Variants in VSTM4 observed in about 807,000 individuals in gnomAD.
The protein encoded by VSTM4 is V-set and transmembrane domain containing 4.
A neutral mutation model predicts 36.4 loss-of-function variants in VSTM4; 20 were observed. The observed-to-expected ratio is 0.55, with a 90% CI of 0.39 to 0.80. The LOEUF (loss-of-function observed/expected upper bound fraction) is 0.80, where lower values mean the gene tolerates loss of function less well. VSTM4 is among the 30% of genes least tolerant of loss of function. VSTM4 has a pLI of 0.00. For missense variants in VSTM4, 392 were observed against 404.5 expected, an observed-to-expected ratio of 0.97 and a Z score of 0.26; for synonymous variants, 182 against 173.9, an observed-to-expected ratio of 1.05 and a Z score of -0.37.
intron 2 of VSTM4, among the ~76,000 whole-genome samples, chr10:49,092,059 G>A (rs550569132): frequency 1.3e-5 from 2 of 152,254 alleles, no homozygotes; most frequent in East Asian, 1.9e-4. Flanking sequence ...TTCCCTTTCC[G>A]TGCCTACCCT....
At chr10:49,071,247 C>CTGCTTTTTTTAAAA (rs2131985377) in intron 4 of VSTM4, among the ~76,000 whole-genome samples, 1 of 152,352 alleles carries the variant, frequency 6.6e-6, no homozygotes, top group African/African-American at 2.4e-5. Flanking sequence ...TTTAAAAGCT[C>CTGCTTTTTTTAAAA]AGACACAGAA....
chr10:49,103,570 G>C, intron 2 of VSTM4: 1 of 1,390,012 alleles, frequency 7.2e-7, no homozygotes. Context: ...GATAATAAGA[G>C]CCAACACTCC....
At chr10:49,082,171 C>T (rs1277337963) in intron 3 of VSTM4, among the ~76,000 whole-genome samples, 2 of 152,178 alleles carry the variant, frequency 1.3e-5, no homozygotes, top group Admixed American at 6.5e-5. Context: ...GGCTGGAATG[C>T]CCGCCCAGTG....
At chr10:49,092,533 C>CA (rs1305367190) in intron 2 of VSTM4, among the ~76,000 whole-genome samples, 5 of 152,128 alleles carry the variant, frequency 3.3e-5, no homozygotes, top group Non-Finnish European at 5.9e-5. Flanking sequence ...GTGTTATCTA[C>CA]AAAGTGATAC....
At position 49,015,575 on chromosome 10, in the gene VSTM4, C is replaced by G. The variant is rs1235491265; in HGVS notation, c.*4075G>C. 6.6e-6 allele frequency: 1 copy of G among 152,232 alleles called. No homozygotes were observed. Among genetic ancestry groups the G allele is most frequent in the East Asian group, 1.9e-4 (1 of 5,192 alleles). 9.4% of individuals were successfully genotyped at this position (152,232 alleles called of 1,614,324 possible). ...GACCCCTCCCCTAGACCACGAATTT[C>G]TGTTTGGTTTTCCTTCCTGATGAAC... On this transcript the variant is annotated 3_prime_UTR_variant, in exon 8 of 8. Coordinates refer to ENST00000332853, the MANE Select transcript of VSTM4 (RefSeq NM_001031746.5).
At chr10:49,060,849 G>A (rs1384101602) in intron 5 of VSTM4, among the ~76,000 whole-genome samples, 2 of 152,168 alleles carry the variant, frequency 1.3e-5, no homozygotes, top group Non-Finnish European at 2.9e-5. Context: ...GAGGCAATGT[G>A]AGACAAGGGT....
rs1215902819 is a variant in VSTM4 at position 49,017,878 on chromosome 10, A to G, written c.*1772T>C. 6.6e-6 allele frequency: 1 copy of G among 152,260 alleles called. No individual in the cohort carries two copies. The highest frequency in any genetic ancestry group is 2.4e-5 in the African/African-American group (1 of 41,458). 9.4% of individuals were successfully genotyped at this position (152,260 alleles called of 1,614,324 possible). ...TTATTATATAAATGGTGTGCTAACC[A>G]TATATCCTCCCCTCCCAAAGAGATG... On this transcript the variant is annotated 3_prime_UTR_variant, in exon 8 of 8. Transcript: ENST00000332853.
At chr10:49,075,616 A>G (rs1410546153) in intron 4 of VSTM4, among the ~76,000 whole-genome samples, 1 of 152,260 alleles carries the variant, frequency 6.6e-6, no homozygotes, top group Admixed American at 6.5e-5. Context: ...TTGCAGGGGA[A>G]GGCCCTGGAG....
At chr10:49,049,571 AAG>A (rs1455077109) in intron 5 of VSTM4, among the ~76,000 whole-genome samples, 3 of 152,196 alleles carry the variant, frequency 2.0e-5, no homozygotes, top group African/African-American at 7.2e-5. Context: ...TCCAGGTCTC[AAG>A]AGAGGCTATC....
Position 49,103,328 on chromosome 10 carries a change from G to A in VSTM4, c.457+4266C>T, listed in dbSNP as rs141245032. 8.9e-3 allele frequency: 1,593 copies of A among 178,322 alleles called. 16 individuals carry two copies. Among genetic ancestry groups the A allele is most frequent in the Non-Finnish European group, 0.011 (970 of 91,478 alleles). 11.0% of individuals were successfully genotyped at this position (178,322 alleles called of 1,614,324 possible). On this transcript the variant is annotated intron_variant, in intron 2 of 7. Transcript: ENST00000332853. ...CACTATTTAGTAATATCAGAAAAGC[G>A]AGTCACAGAACACTCTTTACAGTAA...
rs530527662 is a variant in VSTM4 at position 49,014,243 on chromosome 10, A to T, written c.*5407T>A. 6.6e-6 allele frequency: 1 copy of T among 152,376 alleles called. No individual in the cohort carries two copies. The highest frequency in any genetic ancestry group is 1.5e-5 in the Non-Finnish European group (1 of 68,056). The allele number at this position is 152,376 out of a possible 1,614,324, so 9.4% of individuals were successfully genotyped here. On this transcript the variant is annotated 3_prime_UTR_variant, in exon 8 of 8. Transcript: ENST00000332853. ...TGAGCTTTCTCCTCGTTGTTGATGG[A>T]GGACGCTTGTAATAAAGTTTAATGT...
At chr10:49,047,164 G>T in intron 6 of VSTM4, 120 bp from the exon 7 acceptor site, 2 of 1,019,002 alleles carry the variant, frequency 2.0e-6, no homozygotes, top group Non-Finnish European at 3.0e-6. Flanking sequence ...TCCCATGGAA[G>T]AACTTTCTGA....
At chr10:49,071,356 T>C (rs1844076085) in intron 4 of VSTM4, among the ~76,000 whole-genome samples, 1 of 152,180 alleles carries the variant, frequency 6.6e-6, no homozygotes, top group Admixed American at 6.5e-5. Flanking sequence ...ACCAGAAGAA[T>C]AATTCCAGGC....
Position 49,019,773 on chromosome 10 carries a change from T to C in VSTM4, c.840A>G (p.Pro280=), listed in dbSNP as rs201819563. ...AGGTTAAGTTTTCCTCAGCAATCTT[T>C]GGCTATAAAAGAAAAAACAAAACAA... ...LLKPQRKVTL[P]KIAEENLTYA... Residue 280 remains proline, a splice_region_variant and synonymous_variant, in exon 8 of 8, where the codon CCA becomes CCG. Transcript: ENST00000332853. The C allele has an allele frequency of 1.2e-6, 2 of 1,609,640 alleles. No homozygotes were observed. Among genetic ancestry groups the C allele is most frequent in the Non-Finnish European group, 1.7e-6 (2 of 1,178,124 alleles).
At chr10:49,068,508 A>C (rs1407379001) in intron 4 of VSTM4, among the ~76,000 whole-genome samples, 1 of 152,176 alleles carries the variant, frequency 6.6e-6, no homozygotes, top group African/African-American at 2.4e-5. Flanking sequence ...AGATCTCGGC[A>C]GCATGTATGT....
intron 7 of VSTM4, among the ~76,000 whole-genome samples, chr10:49,034,891 T>C (rs1486045661): frequency 1.3e-5 from 2 of 152,196 alleles, no homozygotes; most frequent in African/African-American, 2.4e-5. Flanking sequence ...AATGATATTG[T>C]TTCATGAGAT....
At chr10:49,098,871 G>T (rs1844619082) in intron 2 of VSTM4, among the ~76,000 whole-genome samples, 1 of 152,216 alleles carries the variant, frequency 6.6e-6, no homozygotes, top group East Asian at 1.9e-4. Context: ...CAACAGCCTG[G>T]CACGCAGTAG....
chr10:49,076,782 C>T (rs1844186327), intron 4 of VSTM4, among the ~76,000 whole-genome samples: 1 of 152,146 alleles, frequency 6.6e-6, no homozygotes, highest in Non-Finnish European at 1.5e-5. Flanking sequence ...GGGAGACTTC[C>T]CAAGTGCCAC....
rs1843078044 is a variant in VSTM4 at position 49,014,695 on chromosome 10, C to T, written c.*4955G>A. 6.6e-6 allele frequency: 1 copy of T among 152,192 alleles called. No homozygotes were observed. The highest frequency in any genetic ancestry group is 1.5e-5 in the Non-Finnish European group (1 of 68,058). 9.4% of individuals were successfully genotyped at this position (152,192 alleles called of 1,614,324 possible). ...GAGCAAAGGCTTAACCTCTATTCTC[C>T]CTGCCCTCTGCAGAGTTCACACTGC... On this transcript the variant is annotated 3_prime_UTR_variant, in exon 8 of 8. Transcript: ENST00000332853.
Sources: gnomAD v4.1 joint callset for allele counts (sites outside exome capture counted in the v4.1 genomes callset) on GRCh38, gnomAD v4.1.1 for gene constraint, MANE v1.5 for transcripts, NCBI Gene and HGNC (gene_info 2026-07-23, HGNC 2026-07-21) for gene names.